The following GPR108 variants were observed in gnomAD, a reference collection of about 807,000 sequenced individuals.
The protein encoded by GPR108 is G protein-coupled receptor 108, also known as protein GPR108.
In GPR108, 60 loss-of-function variants were observed where a neutral mutation model predicts 74.3. The observed-to-expected ratio is 0.81, with a 90% CI of 0.66 to 1.00. GPR108 has a LOEUF of 1.00. GPR108 is among the 50% of genes least tolerant of loss of function. GPR108 has a pLI of 0.00. For synonymous variants in GPR108, 311 were observed against 292.4 expected, an observed-to-expected ratio of 1.06 and a Z score of -0.65; for missense variants, 667 against 703.3, an observed-to-expected ratio of 0.95 and a Z score of 0.58.
chr19:6,732,772 G>C, intron 10 of GPR108: 1 of 655,474 alleles, frequency 1.5e-6, no homozygotes, highest in Non-Finnish European at 2.7e-6. Context: ...GAGACGGACA[G>C]TCACAGCTGA....
intron 1 of GPR108, 107 bp downstream of exon 1, chr19:6,737,350 C>T: frequency 7.4e-7 from 1 of 1,354,362 alleles, no homozygotes; most frequent in Non-Finnish European, 9.7e-7. Flanking sequence ...CGGACCACTC[C>T]ACCGCCTCGG....
chr19:6,733,327 C>T lies in GPR108; in HGVS notation c.724-26G>A, dbSNP rs375126817. On this transcript the variant is annotated intron_variant, in intron 8 of 17. Transcript: ENST00000264080. ...CTGCGGAGGGGGCAGTGGTGGGCGG[C>T]GGCAGGGGCACAGCCCGACCGCTGG... The T allele has an allele frequency of 6.8e-5, 109 of 1,606,880 alleles. 1 individual carries two copies. The African/African-American group carries it at 9.9e-4, about 15-fold the overall frequency.
intron 1 of GPR108, 68 bp downstream of exon 1, chr19:6,737,389 C>T: frequency 1.3e-6 from 2 of 1,536,202 alleles, no homozygotes; most frequent in Non-Finnish European, 1.7e-6. Context: ...GAGACCACTC[C>T]AAGCCAGGGG....
Position 6,731,056 on chromosome 19 carries a change from T to C in GPR108, c.1490A>G (p.Gln497Arg). ...CAGGTACGGGTTGTTTCCTGTGGGCTGGAACTTGTAGCCCGTGAGCACGAA... is the reference window on the plus strand; with the variant it reads ...CAGGTACGGGTTGTTTCCTGTGGGCCGGAACTTGTAGCCCGTGAGCACGAA... ...AFFVLTGYKFQPTGNNPYLQL... is the reference protein window; with the variant it reads ...AFFVLTGYKFRPTGNNPYLQL... Residue 497 changes from glutamine to arginine, a missense_variant, in exon 17 of 18, where the codon CAG (glutamine) becomes CGG (arginine). Physicochemically the swap from Gln to Arg is conservative, Grantham distance 43. Transcript: ENST00000264080. The C allele has an allele frequency of 6.2e-7, 1 of 1,613,624 alleles. No individual in the cohort carries two copies. The highest frequency in any genetic ancestry group is 8.5e-7 in the Non-Finnish European group (1 of 1,179,870).
In GPR108 at chr19:6,730,057, G is replaced by C; in HGVS notation, c.*255C>G. 1 of 525,760 alleles carries C rather than the reference G, an allele frequency of 1.9e-6. No homozygotes were observed. The allele number at this position is 525,760 out of a possible 1,614,324, so 32.6% of individuals were successfully genotyped here. A position where few individuals can be genotyped will look rare whatever the true frequency, so the allele number is the denominator to read the frequency against. On this transcript the variant is annotated 3_prime_UTR_variant, in exon 18 of 18. Coordinates refer to ENST00000264080, the MANE Select transcript of GPR108 (RefSeq NM_001080452.2). ...CCCAAAAAGGCAAGACAACGGCGTA[G>C]CCAAACAGATTGGTCATTATTGTAC...
chr19:6,733,084 G>C (rs1568238275), intron 9 of GPR108, 22 bp from the exon 10 acceptor site: 1 of 1,613,750 alleles, frequency 6.2e-7, no homozygotes, highest in Non-Finnish European at 8.5e-7. Flanking sequence ...GTCAGGGAGA[G>C]ATGGGGGTGC....
Position 6,731,455 on chromosome 19 carries a change from A to G in GPR108, c.1350+18T>C, listed in dbSNP as rs1968398060. On this transcript the variant is annotated intron_variant, in intron 15 of 17. Transcript: ENST00000264080. ...CGGTAATCCCCCCAAACCCGCTGTG[A>G]GTGAGGCGGGCTCCTACCATGACAT... 1.3e-6 allele frequency: 2 copies of G among 1,529,764 alleles called. No homozygotes were observed. Among genetic ancestry groups the G allele is most frequent in the African/African-American group, 1.4e-5 (1 of 71,910 alleles). 94.8% of individuals were successfully genotyped at this position (1,529,764 alleles called of 1,614,324 possible).
intron 10 of GPR108, 129 bp downstream of exon 10, chr19:6,732,857 TA>T: frequency 1.2e-6 from 1 of 801,430 alleles, no homozygotes; most frequent in South Asian, 1.7e-5. Flanking sequence ...GCCACACTGG[TA>T]AAATGGGTGG....
In GPR108 at chr19:6,736,674, C is replaced by A. The variant is rs772349022; in HGVS notation, c.158G>T (p.Gly53Val). The A allele has an allele frequency of 6.2e-7, 1 of 1,614,108 alleles. No individual in the cohort carries two copies. The highest frequency in any genetic ancestry group is 1.1e-5 in the South Asian group (1 of 91,084). Reference protein sequence around the residue: ...KRADIQLNSFGFYTNGSLEVE... With the variant: ...KRADIQLNSFVFYTNGSLEVE... ...CTCCAGAGAGCCATTGGTGTAGAAA[C>A]CGAAGCTGTTCAGCTGGATGTCCGC... The change falls in exon 2 of 18, where the codon GGT becomes GTT. Residue 53 changes from glycine to valine, a missense_variant. Gly to Val is a moderately radical substitution (Grantham distance 109, BLOSUM62 -3). Transcript: ENST00000264080.
chr19:6,734,074 GAT>G lies in GPR108; in HGVS notation c.500-22_500-21del, dbSNP rs778870929. The G allele has an allele frequency of 6.2e-7, 1 of 1,614,208 alleles. No homozygotes were observed. Among genetic ancestry groups the G allele is most frequent in the Non-Finnish European group, 8.5e-7 (1 of 1,180,030 alleles). The stretch of plus-strand genomic sequence containing the variant: ...TCCCTCCTGTAAGAGACCGGGCAGT[GAT>G]TTTAAGAGATGGATGGATGGATAGA... On this transcript the variant is annotated intron_variant, in intron 5 of 17. Coordinates refer to ENST00000264080, the MANE Select transcript of GPR108 (RefSeq NM_001080452.2).
At position 6,737,522 on chromosome 19, in the gene GPR108, G is replaced by T; in HGVS notation, c.55C>A (p.Gln19Lys). ...LGRGSPAEWG[Q>K]RLLLVLLLGG... ...AGCAGCAGCACCAGAAGTAGCCGCT[G>T]CCCCCACTCCGCGGGGCTCCCGCGG... The change falls in exon 1 of 18, where the codon CAG becomes AAG. Residue 19 changes from glutamine (Q) to lysine (K), a missense_variant. Physicochemically the swap from Gln to Lys is moderately conservative, Grantham distance 53. Coordinates refer to ENST00000264080, the MANE Select transcript of GPR108 (RefSeq NM_001080452.2). 1 of 1,571,248 alleles carries T rather than the reference G, an allele frequency of 6.4e-7. No individual in the cohort carries two copies.
At chr19:6,731,416 G>A in intron 15 of GPR108, 57 bp downstream of exon 15, 2 of 1,502,218 alleles carry the variant, frequency 1.3e-6, no homozygotes, top group South Asian at 1.3e-5. Flanking sequence ...GGCTGGGGTG[G>A]GCGTGCAGCA....
chr19:6,737,100 C>T (rs1968669292), intron 1 of GPR108: 1 of 385,492 alleles, frequency 2.6e-6, no homozygotes, highest in East Asian at 5.2e-5. Context: ...GAGGACCCCA[C>T]TCTATAGCCC....
In GPR108 at chr19:6,731,449, G is replaced by A. The variant is rs371565809; in HGVS notation, c.1350+24C>T. On this transcript the variant is annotated intron_variant, in intron 15 of 17. Transcript: ENST00000264080. ...GCAGGCCGGTAATCCCCCCAAACCC[G>A]CTGTGAGTGAGGCGGGCTCCTACCA... 1.2e-3 allele frequency: 1,848 copies of A among 1,526,618 alleles called. 5 individuals are homozygous for A. Among genetic ancestry groups the A allele is most frequent in the Non-Finnish European group, 9.9e-4 (1,132 of 1,137,854 alleles). 94.6% of individuals were successfully genotyped at this position (1,526,618 alleles called of 1,614,324 possible). A position where few individuals can be genotyped will look rare whatever the true frequency, so the allele number is the denominator to read the frequency against.
In GPR108 at chr19:6,732,106, G is replaced by T. The variant is rs1968434622; in HGVS notation, c.1175C>A (p.Ala392Asp). ...YIIIESREEG[A>D]SDYVLWKEIL... ...CTCCTTCCACAGCACGTAGTCGCTG[G>T]CGCCTTCCTCGCGGGACTCGATGAT... is the stretch of plus-strand genomic sequence containing the variant. Residue 392 changes from alanine (A) to aspartate (D), a missense_variant, in exon 13 of 18, where the codon GCC (alanine) becomes GAC (aspartate). Transcript: ENST00000264080. 1.2e-6 allele frequency: 2 copies of T among 1,613,836 alleles called. No individual in the cohort carries two copies. Among genetic ancestry groups the T allele is most frequent in the Admixed American group, 3.3e-5 (2 of 60,004 alleles).
chr19:6,731,303 G>A (rs1257930153), intron 15 of GPR108, 21 bp from the exon 16 acceptor site: 20 of 1,540,526 alleles, frequency 1.3e-5, no homozygotes, highest in Middle Eastern at 1.8e-4. Context: ...GCGAGCAGGC[G>A]TGGGGCCAGG....
intron 5 of GPR108, 32 bp from the exon 6 acceptor site, chr19:6,734,086 T>G (rs764983463): frequency 4.3e-5 from 70 of 1,612,026 alleles, no homozygotes; most frequent in Non-Finnish European, 5.7e-5. Context: ...TTTTAAGAGA[T>G]GGATGGATGG....
rs1264006740 is a variant in GPR108, at chr19:6,732,247, G to C, written c.1125+16C>G. On this transcript the variant is annotated intron_variant, in intron 12 of 17. Transcript: ENST00000264080. ...CAGCCCTCCCCGCCCTGCTCCGGAG[G>C]CTGCTCCATCCGCACCTGCATGGGG... is the stretch of plus-strand genomic sequence containing the variant. The C allele has an allele frequency of 6.2e-7, 1 of 1,611,562 alleles. No homozygotes were observed. The highest frequency in any genetic ancestry group is 1.7e-5 in the Admixed American group (1 of 60,004).
At chr19:6,731,774 GA>G in intron 14 of GPR108, 116 bp downstream of exon 14, 1 of 1,201,570 alleles carries the variant, frequency 8.3e-7, no homozygotes, top group Non-Finnish European at 1.2e-6. Context: ...GGCATCCAGG[GA>G]GGCAGAGGCC....
Sources: allele counts gnomAD v4.1 joint callset, GRCh38; gene constraint gnomAD v4.1.1; transcripts MANE v1.5; gene names NCBI Gene and HGNC (gene_info 2026-07-23, HGNC 2026-07-21).